The following CACNA2D3 variants were observed in gnomAD, a reference collection of about 807,000 sequenced individuals.
The protein encoded by CACNA2D3 is voltage-dependent calcium channel subunit alpha-2/delta-3.
Under a neutral mutation model 160.6 loss-of-function variants are expected in CACNA2D3, and 60 were observed. That is an observed-to-expected ratio of 0.37 (90% confidence interval 0.30 to 0.46). The LOEUF is 0.46. Among genes scored for constraint, CACNA2D3 ranks in the 20% least tolerant of loss-of-function variants. CACNA2D3 has a pLI of 1.00. For synonymous variants in CACNA2D3, 558 were observed against 492.9 expected, an observed-to-expected ratio of 1.13 and a Z score of -1.75; for missense variants, 1,205 against 1,365.0, an observed-to-expected ratio of 0.88 and a Z score of 1.85.
chr3:54,787,632 G>T (rs1003726824), intron 13 of CACNA2D3, among the ~76,000 whole-genome samples: 3 of 152,190 alleles, frequency 2.0e-5, no homozygotes, highest in Admixed American at 2.0e-4. Context: ...TTAACAAAGG[G>T]TAATAAATTA....
At chr3:55,045,916 T>C (rs936300416) in intron 35 of CACNA2D3, among the ~76,000 whole-genome samples, 9 of 152,080 alleles carry the variant, frequency 5.9e-5, no homozygotes, top group African/African-American at 2.2e-4. Flanking sequence ...ATTGTTTTCT[T>C]TGTCCTCCTT....
chr3:54,210,441 TTTG>T (rs1170775311), intron 2 of CACNA2D3, among the ~76,000 whole-genome samples: 73 of 151,966 alleles, frequency 4.8e-4, no homozygotes, highest in African/African-American at 1.8e-3. Flanking sequence ...TGTGTGTGTG[TTTG>T]TGTGTGTGTG....
intron 2 of CACNA2D3, among the ~76,000 whole-genome samples, chr3:54,219,397 T>C (rs1701524421): frequency 6.6e-6 from 1 of 152,180 alleles, no homozygotes; most frequent in Non-Finnish European, 1.5e-5. Context: ...TCCTGCCTTT[T>C]GGGATATCCG....
At chr3:54,431,421 G>T (rs1222222575) in intron 4 of CACNA2D3, among the ~76,000 whole-genome samples, 1 of 152,028 alleles carries the variant, frequency 6.6e-6, no homozygotes, top group African/African-American at 2.4e-5. Flanking sequence ...AATCATAAAG[G>T]TTTTCATCCT....
chr3:54,951,812 ATTCTATT>A, intron 27 of CACNA2D3, among the ~76,000 whole-genome samples: 1 of 152,204 alleles, frequency 6.6e-6, no homozygotes, highest in South Asian at 2.1e-4. Context: ...GCCCTCAGTA[ATTCTATT>A]TTCTGTCTTC....
At chr3:54,357,971 G>C (rs1178519585) in intron 3 of CACNA2D3, among the ~76,000 whole-genome samples, 1 of 152,214 alleles carries the variant, frequency 6.6e-6, no homozygotes, top group Non-Finnish European at 1.5e-5. Context: ...AAACTGCTTT[G>C]TATGATACTG....
intron 2 of CACNA2D3, among the ~76,000 whole-genome samples, chr3:54,306,306 T>A (rs73093654): frequency 0.083 from 12,699 of 152,120 alleles, 753 homozygotes; most frequent in South Asian, 0.13. Context: ...TTGGTAGCAT[T>A]GTCATTTTAT....
intron 29 of CACNA2D3, among the ~76,000 whole-genome samples, chr3:54,976,998 G>A (rs1433885547): frequency 6.6e-6 from 1 of 152,126 alleles, no homozygotes; most frequent in Non-Finnish European, 1.5e-5. Flanking sequence ...AAATAAAGTG[G>A]AAAGTATGAA....
intron 4 of CACNA2D3, among the ~76,000 whole-genome samples, chr3:54,430,667 G>GA (rs1170218801): frequency 6.6e-6 from 1 of 152,174 alleles, no homozygotes; most frequent in East Asian, 1.9e-4. Context: ...GTATCCATGA[G>GA]TCTCTTCCAG....
chr3:54,459,192 T>C (rs1700454073), intron 4 of CACNA2D3, among the ~76,000 whole-genome samples: 2 of 152,196 alleles, frequency 1.3e-5, no homozygotes, highest in South Asian at 4.2e-4. Context: ...TTGGGTTGGT[T>C]CCAAGTCTTT....
intron 12 of CACNA2D3, among the ~76,000 whole-genome samples, chr3:54,754,023 A>G (rs1701922707): frequency 6.6e-6 from 1 of 152,218 alleles, no homozygotes; most frequent in Non-Finnish European, 1.5e-5. Flanking sequence ...TTTAATTCTT[A>G]TTAACGAAAT....
chr3:54,829,471 TG>T (rs1703821298), intron 14 of CACNA2D3, among the ~76,000 whole-genome samples: 1 of 152,156 alleles, frequency 6.6e-6, no homozygotes, highest in African/African-American at 2.4e-5. Flanking sequence ...AGACTTTGTT[TG>T]GGGAAGGTAT....
chr3:54,926,232 T>C (rs2106944026), intron 27 of CACNA2D3, among the ~76,000 whole-genome samples: 1 of 152,312 alleles, frequency 6.6e-6, no homozygotes, highest in East Asian at 1.9e-4. Context: ...CCTACCATTC[T>C]AAGTGCTTTA....
intron 3 of CACNA2D3, among the ~76,000 whole-genome samples, chr3:54,361,122 A>G (rs1227967259): frequency 6.6e-6 from 1 of 152,094 alleles, no homozygotes; most frequent in Non-Finnish European, 1.5e-5. Context: ...GCTGTGAAAC[A>G]TGCCAGTGAA....
intron 31 of CACNA2D3, among the ~76,000 whole-genome samples, chr3:54,988,846 A>C (rs1702676851): frequency 6.6e-6 from 1 of 151,836 alleles, no homozygotes; most frequent in Non-Finnish European, 1.5e-5. Flanking sequence ...AACCTGGCCT[A>C]GTGCCAGCAC....
intron 4 of CACNA2D3, among the ~76,000 whole-genome samples, chr3:54,487,919 C>A (rs1241974237): frequency 6.6e-6 from 1 of 152,152 alleles, no homozygotes; most frequent in Non-Finnish European, 1.5e-5. Flanking sequence ...CATCATCATA[C>A]AAAGTGCTGT....
chr3:54,357,518 C>T (rs1698670284), intron 3 of CACNA2D3, among the ~76,000 whole-genome samples: 1 of 152,172 alleles, frequency 6.6e-6, no homozygotes, highest in African/African-American at 2.4e-5. Context: ...TTGGCAGTTT[C>T]TTATGGGACT....
chr3:55,027,632 G>A (rs1262842578), intron 35 of CACNA2D3, among the ~76,000 whole-genome samples: 2 of 152,244 alleles, frequency 1.3e-5, no homozygotes, highest in South Asian at 4.1e-4. Context: ...GACCAACTTT[G>A]TAGGTAACTT....
At chr3:54,763,667 G>C (rs1411071429) in intron 12 of CACNA2D3, among the ~76,000 whole-genome samples, 1 of 144,330 alleles carries the variant, frequency 6.9e-6, no homozygotes. Context: ...GTGTGTGTGT[G>C]TGTATATATG....
Sources: allele counts gnomAD v4.1 joint callset (sites outside exome capture counted in the v4.1 genomes callset), GRCh38; gene constraint gnomAD v4.1.1; transcripts MANE v1.5; gene names NCBI Gene and HGNC (gene_info 2026-07-23, HGNC 2026-07-21).